Variants in DLG2 observed in about 807,000 individuals in gnomAD.
DLG2 encodes disks large homolog 2.
A neutral mutation model predicts 132.5 loss-of-function variants in DLG2; 45 were observed. The observed-to-expected ratio is 0.34, with a 90% confidence interval of 0.27 to 0.44. The LOEUF (loss-of-function observed/expected upper bound fraction) is 0.44, where lower values mean the gene tolerates loss of function less well. DLG2 is among the 20% of genes least tolerant of loss of function. The probability of loss-of-function intolerance (pLI) is 1.00; values close to 1 mark genes in which losing one functional copy is unlikely to be tolerated. For missense variants in DLG2, 1,045 were observed against 1,196.9 expected (o/e 0.87, Z 1.87); for synonymous variants, 424 against 419.6 (o/e 1.01, Z -0.13).
intron 7 of DLG2, among the ~76,000 whole-genome samples, chr11:84,508,367 C>T (rs1565142027): frequency 6.6e-6 from 1 of 151,354 alleles, no homozygotes; most frequent in Non-Finnish European, 1.5e-5. Context: ...CATTTTTAAG[C>T]CTTTGCTCAA....
Position 85,012,176 on chromosome 11 carries a change from A to G in DLG2, c.357+99485T>C, listed in dbSNP as rs1318565241. ...AATGACCTAGATAAAAGAGAAAAGT[A>G]TGATATACATTAATATCTTTTCTGT... On this transcript the variant is annotated intron_variant, in intron 6 of 27. Transcript: ENST00000376104. Among the ~76,000 whole-genome samples, 2 of 39,860 alleles carry G rather than the reference A, an allele frequency of 5.0e-5. 1 individual carries two copies. The highest frequency in any genetic ancestry group is 8.5e-5 in the Non-Finnish European group (2 of 23,572). The allele number at this position is 39,860 out of a possible 152,430, so 26.1% of individuals were successfully genotyped here. A position where few individuals can be genotyped will look rare whatever the true frequency, so the allele number is the denominator to read the frequency against.
chr11:84,442,514 AC>A (rs2099020328), intron 7 of DLG2, among the ~76,000 whole-genome samples: 1 of 151,964 alleles, frequency 6.6e-6, no homozygotes, highest in Non-Finnish European at 1.5e-5. Context: ...AACATCACAC[AC>A]TGAGGCCTGT....
chr11:84,471,380 C>G (rs1210133568), intron 7 of DLG2, among the ~76,000 whole-genome samples: 1 of 151,724 alleles, frequency 6.6e-6, no homozygotes, highest in Non-Finnish European at 1.5e-5. Flanking sequence ...TCTCCTGTAG[C>G]CCCCTCTGTC....
intron 11 of DLG2, among the ~76,000 whole-genome samples, chr11:84,032,763 A>G (rs918981436): frequency 6.6e-6 from 1 of 152,156 alleles, no homozygotes; most frequent in Non-Finnish European, 1.5e-5. Flanking sequence ...GCCTTCAAAG[A>G]ACACGCTGAT....
chr11:84,524,570 G>C (rs1458513053), intron 7 of DLG2, among the ~76,000 whole-genome samples: 2 of 152,156 alleles, frequency 1.3e-5, no homozygotes, highest in Non-Finnish European at 2.9e-5. Context: ...TATTAACTAA[G>C]AGCTTCTAAT....
intron 18 of DLG2, among the ~76,000 whole-genome samples, chr11:83,768,953 C>T (rs1452091690): frequency 6.6e-6 from 1 of 152,134 alleles, no homozygotes; most frequent in East Asian, 1.9e-4. Context: ...TGTGTAACTT[C>T]CCTGGGATTT....
At chr11:84,896,643 C>T (rs1357817106) in intron 6 of DLG2, among the ~76,000 whole-genome samples, 2 of 152,110 alleles carry the variant, frequency 1.3e-5, no homozygotes, top group African/African-American at 2.4e-5. Flanking sequence ...GTAGTTGCCA[C>T]TTATCCACAG....
At chr11:85,424,744 AT>A (rs971166381) in intron 3 of DLG2, among the ~76,000 whole-genome samples, 7 of 152,012 alleles carry the variant, frequency 4.6e-5, no homozygotes, top group African/African-American at 1.7e-4. Context: ...TCAAACTCTG[AT>A]TTTTTTTAAC....
intron 7 of DLG2, among the ~76,000 whole-genome samples, chr11:84,510,524 ATAAG>A (rs1231925931): frequency 6.6e-6 from 1 of 152,316 alleles, no homozygotes; most frequent in East Asian, 1.9e-4. Flanking sequence ...ATGATTTTAA[ATAAG>A]TAATATAGTT....
intron 6 of DLG2, among the ~76,000 whole-genome samples, chr11:84,787,768 A>G (rs777140012): frequency 6.6e-5 from 10 of 152,040 alleles, no homozygotes; most frequent in Non-Finnish European, 1.3e-4. Context: ...CATCCATTAA[A>G]CTAGTGGTTC....
At chr11:84,558,440 AT>A (rs2099416407) in intron 6 of DLG2, among the ~76,000 whole-genome samples, 1 of 152,164 alleles carries the variant, frequency 6.6e-6, no homozygotes, top group Non-Finnish European at 1.5e-5. Flanking sequence ...CATCTTTGCA[AT>A]GTATGTCTCC....
At chr11:84,618,642 G>A (rs1049127732) in intron 6 of DLG2, among the ~76,000 whole-genome samples, 13 of 152,000 alleles carry the variant, frequency 8.6e-5, no homozygotes, top group Admixed American at 3.3e-4. Flanking sequence ...CTCAAACTCA[G>A]AAGAGTCTTT....
Position 84,130,524 on chromosome 11 carries a change from A to ACGTG in DLG2, c.625-31478_625-31477insCACG, listed in dbSNP as rs1491141286. On this transcript the variant is annotated intron_variant, in intron 9 of 27. Coordinates refer to ENST00000376104, the MANE Select transcript of DLG2 (RefSeq NM_001142699.3). ...TATATATACACACACACACACACAC[A>ACGTG]TATATGTGTGTGTGTATATATATAT... Among the ~76,000 whole-genome samples, 247 of 123,930 alleles carry ACGTG rather than the reference A, an allele frequency of 2.0e-3. 1 individual carries two copies. Among genetic ancestry groups the ACGTG allele is most frequent in the African/African-American group, 7.8e-3 (244 of 31,404 alleles). The allele number at this position is 123,930 out of a possible 152,430, so 81.3% of individuals were successfully genotyped here. A position where few individuals can be genotyped will look rare whatever the true frequency, so the allele number is the denominator to read the frequency against.
At chr11:84,869,633 C>T (rs35056500) in intron 6 of DLG2, among the ~76,000 whole-genome samples, 1 of 152,016 alleles carries the variant, frequency 6.6e-6, no homozygotes, top group Non-Finnish European at 1.5e-5. Flanking sequence ...TTAAAGGCTC[C>T]TGACAAAATT....
chr11:84,274,929 C>T (rs1264001778), intron 7 of DLG2, among the ~76,000 whole-genome samples: 1 of 152,198 alleles, frequency 6.6e-6, no homozygotes, highest in East Asian at 1.9e-4. Context: ...TCTGCCCCAG[C>T]CACATGCTTC....
chr11:84,347,149 AC>A (rs2098542779), intron 7 of DLG2, among the ~76,000 whole-genome samples: 1 of 152,224 alleles, frequency 6.6e-6, no homozygotes, highest in Middle Eastern at 3.4e-3. Context: ...GGAAAGTGTC[AC>A]CCAGCTGTGC....
intron 15 of DLG2, among the ~76,000 whole-genome samples, chr11:83,919,855 G>A (rs897508156): frequency 6.6e-5 from 10 of 152,186 alleles, no homozygotes; most frequent in African/African-American, 2.4e-4. Context: ...CGGAGGCATA[G>A]GAAAGAAAAC....
At chr11:84,596,190 GTCTCTC>G (rs59824224) in intron 6 of DLG2, among the ~76,000 whole-genome samples, 37 of 144,826 alleles carry the variant, frequency 2.6e-4, no homozygotes, top group Middle Eastern at 7.1e-3. Context: ...TCTTTTCTCT[GTCTCTC>G]TCTCTCTCTC....
intron 18 of DLG2, among the ~76,000 whole-genome samples, chr11:83,703,795 T>C (rs1351504813): frequency 6.6e-6 from 1 of 152,264 alleles, no homozygotes; most frequent in African/African-American, 2.4e-5. Context: ...ATACTCATCA[T>C]GACTGTTATT....
Sources: allele counts gnomAD v4.1 joint callset (sites outside exome capture counted in the v4.1 genomes callset), GRCh38; gene constraint gnomAD v4.1.1; transcripts MANE v1.5; gene names NCBI Gene and HGNC (gene_info 2026-07-23, HGNC 2026-07-21).